TCF12: variants seen among roughly 807,000 people sequenced by gnomAD.
TCF12 encodes the protein DNA-binding protein HTF4.
A neutral mutation model predicts 86.0 loss-of-function variants in TCF12; 45 were observed. The ratio of observed to expected loss-of-function variants is 0.52; its 90% CI spans 0.41 to 0.67. The LOEUF (loss-of-function observed/expected upper bound fraction) is 0.67. Ranked by LOEUF, TCF12 falls within the 30% of genes least tolerant of loss-of-function variation. The pLI is 0.00. For synonymous variants in TCF12, 330 were observed against 299.6 expected (o/e 1.10, Z -1.05); for missense variants, 881 against 859.9 (o/e 1.02, Z -0.31).
intron 6 of TCF12, among the ~76,000 whole-genome samples, chr15:57,191,587 C>T (rs1298095787): frequency 6.6e-6 from 1 of 152,224 alleles, no homozygotes; most frequent in Non-Finnish European, 1.5e-5. Flanking sequence ...TGATACCACA[C>T]AGCCACTAAA....
chr15:57,158,473 C>G (rs2054278396), intron 5 of TCF12, among the ~76,000 whole-genome samples: 1 of 152,058 alleles, frequency 6.6e-6, no homozygotes, highest in Non-Finnish European at 1.5e-5. Context: ...GCCAGTGCAC[C>G]CAGCCTAGAA....
chr15:57,099,286 C>T lies in TCF12; in HGVS notation c.325+7395C>T, dbSNP rs145738473. Among the ~76,000 whole-genome samples the T allele has an allele frequency of 1.3e-3, 201 of 152,106 alleles. 1 individual carries two copies. The highest frequency in any genetic ancestry group is 4.3e-3 in the African/African-American group (177 of 41,476). ...CTTTTCTACCCAGTCTGAGAGAGAC[C>T]GAAGTAATACTAACGCCTTAGTTTG... On this transcript the variant is annotated intron_variant, in intron 5 of 20. Coordinates refer to ENST00000333725, the MANE Select transcript of TCF12 (RefSeq NM_207037.2).
intron 13 of TCF12, among the ~76,000 whole-genome samples, chr15:57,250,182 A>G (rs1279716949): frequency 6.6e-6 from 1 of 152,228 alleles, no homozygotes; most frequent in Non-Finnish European, 1.5e-5. Context: ...CCCCAAGATC[A>G]TTTACAGTCA....
chr15:57,191,076 A>G (rs2056954582), intron 6 of TCF12, among the ~76,000 whole-genome samples: 3 of 152,226 alleles, frequency 2.0e-5, no homozygotes, highest in Admixed American at 2.0e-4. Context: ...TAACCCCTTA[A>G]TGCGAGCTAA....
chr15:57,253,284 T>C lies in TCF12; in HGVS notation c.1283T>C (p.Leu428Ser). 1.2e-6 allele frequency: 2 copies of C among 1,614,068 alleles called. No individual in the cohort carries two copies. The highest frequency in any genetic ancestry group is 1.3e-5 in the African/African-American group (1 of 75,038). Residue 428 changes from leucine (L) to serine (S), a missense_variant, in exon 16 of 21, where the codon TTA (leucine) becomes TCA (serine). Coordinates refer to ENST00000333725, the MANE Select transcript of TCF12 (RefSeq NM_207037.2). ...CAGCAGTCTCGAATGGAGGATCGTT[T>C]AGACAGACTGGATGATGCAATCCAT... ...VCEQSRMEDR[L>S]DRLDDAIHVL...
intron 3 of TCF12, among the ~76,000 whole-genome samples, chr15:56,930,836 T>A (rs909197042): frequency 6.6e-6 from 1 of 152,146 alleles, no homozygotes; most frequent in Non-Finnish European, 1.5e-5. Flanking sequence ...CAGCATGAAG[T>A]ATTTTGATGG....
At chr15:57,257,688 T>G (rs2060410876) in intron 16 of TCF12, among the ~76,000 whole-genome samples, 1 of 145,868 alleles carries the variant, frequency 6.9e-6, no homozygotes, top group Non-Finnish European at 1.5e-5. Flanking sequence ...TGTATATATA[T>G]ATATATATAT....
chr15:57,108,215 T>TG (rs1170309598), intron 5 of TCF12, among the ~76,000 whole-genome samples: 34 of 152,180 alleles, frequency 2.2e-4, no homozygotes, highest in African/African-American at 8.0e-4. Context: ...GACATATAGA[T>TG]GTGTGGGGTG....
At chr15:57,045,419 G>A (rs1460293793) in intron 3 of TCF12, among the ~76,000 whole-genome samples, 6 of 152,178 alleles carry the variant, frequency 3.9e-5, no homozygotes, top group African/African-American at 1.4e-4. Context: ...TGTGCAGCCT[G>A]ACTGACTTTA....
intron 4 of TCF12, 142 bp downstream of exon 4, chr15:57,063,965 C>A (rs895999610): frequency 3.4e-5 from 22 of 653,238 alleles, no homozygotes; most frequent in Middle Eastern, 2.7e-4. Context: ...CTTTTTGTTA[C>A]ATTTAGTTCT....
intron 3 of TCF12, among the ~76,000 whole-genome samples, chr15:56,959,172 G>A (rs1000671029): frequency 6.6e-6 from 1 of 152,100 alleles, no homozygotes; most frequent in African/African-American, 2.4e-5. Context: ...CACACAGTAG[G>A]TGCTCAAATA....
intron 18 of TCF12, among the ~76,000 whole-genome samples, chr15:57,266,336 C>G (rs1832085679): frequency 6.6e-6 from 1 of 152,050 alleles, no homozygotes; most frequent in Non-Finnish European, 1.5e-5. Context: ...CCTCATCCTC[C>G]CAAAGTGCTG....
chr15:57,089,472 A>T (rs1201443947), intron 4 of TCF12, among the ~76,000 whole-genome samples: 1 of 152,200 alleles, frequency 6.6e-6, no homozygotes, highest in Non-Finnish European at 1.5e-5. Flanking sequence ...AGGGTAAAAG[A>T]CACTACATGT....
chr15:56,920,018 T>C (rs1206853411), intron 2 of TCF12, 30 bp downstream of exon 2: 2 of 1,613,034 alleles, frequency 1.2e-6, no homozygotes, highest in East Asian at 2.2e-5. Flanking sequence ...CATCTTGGGG[T>C]TCTGCTGAGG....
chr15:57,054,298 A>G (rs2141609270), intron 3 of TCF12, among the ~76,000 whole-genome samples: 1 of 152,376 alleles, frequency 6.6e-6, no homozygotes, highest in African/African-American at 2.4e-5. Flanking sequence ...TTAGGTAATC[A>G]GCAAAAATTC....
At chr15:57,210,011 A>G (rs1413844372) in intron 8 of TCF12, among the ~76,000 whole-genome samples, 5 of 152,256 alleles carry the variant, frequency 3.3e-5, no homozygotes, top group African/African-American at 7.2e-5. Flanking sequence ...TGACCATCCT[A>G]TATAAAAGGG....
chr15:57,027,913 A>T (rs568936441), intron 3 of TCF12, among the ~76,000 whole-genome samples: 1 of 151,764 alleles, frequency 6.6e-6, no homozygotes, highest in African/African-American at 2.4e-5. Context: ...TTCTGCCATG[A>T]TTGTGACACC....
At chr15:56,996,420 G>C (rs1596022490) in intron 3 of TCF12, among the ~76,000 whole-genome samples, 1 of 152,232 alleles carries the variant, frequency 6.6e-6, no homozygotes, top group East Asian at 1.9e-4. Flanking sequence ...AATAAATGTT[G>C]CTTTTAATAA....
At chr15:57,254,107 AATG>A (rs2060239324) in intron 16 of TCF12, among the ~76,000 whole-genome samples, 1 of 152,204 alleles carries the variant, frequency 6.6e-6, no homozygotes, top group Non-Finnish European at 1.5e-5. Context: ...CTTTTAAAGA[AATG>A]AAGTTCTTTT....
Sources: allele counts gnomAD v4.1 joint callset (sites outside exome capture counted in the v4.1 genomes callset), GRCh38; gene constraint gnomAD v4.1.1; transcripts MANE v1.5; gene names NCBI Gene and HGNC (gene_info 2026-07-23, HGNC 2026-07-21).